Variants in NEGR1 observed in about 807,000 individuals in gnomAD.
NEGR1 encodes the protein IgLON family member 4.
A neutral mutation model predicts 40.9 loss-of-function variants in NEGR1; 10 were observed. The observed-to-expected ratio is 0.24, with a 90% CI of 0.15 to 0.42. NEGR1 has a LOEUF of 0.42. Ranked by LOEUF, NEGR1 falls within the 10% of genes least tolerant of loss-of-function variation. The pLI, the probability that NEGR1 is intolerant of heterozygous loss-of-function variation, is 1.00. For synonymous variants in NEGR1, 185 were observed against 166.8 expected (o/e 1.11, Z -0.84); for missense variants, 352 against 438.9 (o/e 0.80, Z 1.77).
At chr1:72,040,611 A>AAAAAAAAAAAAAAAG (rs1646944541) in intron 1 of NEGR1, among the ~76,000 whole-genome samples, 1 of 102,272 alleles carries the variant, frequency 9.8e-6, no homozygotes, top group African/African-American at 3.6e-5. Flanking sequence ...AAAAAAAAAA[A>AAAAAAAAAAAAAAAG]TCAGAGAATA....
chr1:71,945,324 A>G (rs1343927968), intron 1 of NEGR1, among the ~76,000 whole-genome samples: 3 of 152,162 alleles, frequency 2.0e-5, no homozygotes, highest in Non-Finnish European at 2.9e-5. Context: ...TAAGTATGCA[A>G]TTCAGGTTAA....
chr1:72,235,288 G>C (rs1156831478), intron 1 of NEGR1, among the ~76,000 whole-genome samples: 1 of 152,126 alleles, frequency 6.6e-6, no homozygotes, highest in Non-Finnish European at 1.5e-5. Flanking sequence ...CAGAGCGCTT[G>C]TGAAGAGTGG....
intron 1 of NEGR1, among the ~76,000 whole-genome samples, chr1:71,955,236 C>G (rs530938123): frequency 5.9e-5 from 9 of 151,994 alleles, no homozygotes; most frequent in Non-Finnish European, 1.5e-5. Flanking sequence ...TTTTGGTAGG[C>G]CATAGATTCT....
intron 2 of NEGR1, among the ~76,000 whole-genome samples, chr1:71,894,926 T>A (rs936406832): frequency 3.3e-5 from 5 of 152,052 alleles, no homozygotes; most frequent in Non-Finnish European, 5.9e-5. Flanking sequence ...CTCCAAATTT[T>A]TTTTTTTTTA....
chr1:71,705,871 G>A (rs1653877808), intron 3 of NEGR1, among the ~76,000 whole-genome samples: 1 of 151,816 alleles, frequency 6.6e-6, no homozygotes, highest in Admixed American at 6.6e-5. Context: ...AAGGAAGGAA[G>A]GAAGGAAGCA....
At chr1:71,563,707 G>A (rs1288255404) in intron 6 of NEGR1, among the ~76,000 whole-genome samples, 1 of 151,932 alleles carries the variant, frequency 6.6e-6, no homozygotes. Context: ...CAAAAGAAAA[G>A]AGTTTCACTG....
chr1:72,050,615 G>A (rs1417860558), intron 1 of NEGR1, among the ~76,000 whole-genome samples: 1 of 151,492 alleles, frequency 6.6e-6, no homozygotes, highest in Non-Finnish European at 1.5e-5. Flanking sequence ...GACAGCAGTT[G>A]TTTATTATTG....
rs1436128135 is a variant in NEGR1, at chr1:71,406,262, A to G, written c.*1184T>C. ...TATTTTGGAAGTTTTAAAATATATA[A>G]CATGCATTCCAGACTATCAACTGAG... On this transcript the variant is annotated 3_prime_UTR_variant, in exon 7 of 7. Transcript: ENST00000357731. 1.3e-5 allele frequency: 2 copies of G among 151,986 alleles called. No individual in the cohort carries two copies. Among genetic ancestry groups the G allele is most frequent in the Non-Finnish European group, 2.9e-5 (2 of 67,888 alleles). The allele number at this position is 151,986 out of a possible 1,614,324, so 9.4% of individuals were successfully genotyped here.
At chr1:72,043,762 A>C (rs1014480544) in intron 1 of NEGR1, among the ~76,000 whole-genome samples, 1 of 151,856 alleles carries the variant, frequency 6.6e-6, no homozygotes, top group Non-Finnish European at 1.5e-5. Context: ...TCACATATTG[A>C]ATTCGCGGGG....
At chr1:71,996,495 C>T (rs570301745) in intron 1 of NEGR1, among the ~76,000 whole-genome samples, 13 of 152,146 alleles carry the variant, frequency 8.5e-5, no homozygotes, top group African/African-American at 2.9e-4. Flanking sequence ...ACTTTCTATG[C>T]CATTGAAAAG....
At chr1:71,749,652 G>A (rs1199405971) in intron 3 of NEGR1, among the ~76,000 whole-genome samples, 1 of 152,226 alleles carries the variant, frequency 6.6e-6, no homozygotes, top group Non-Finnish European at 1.5e-5. Context: ...CTCGTCTTAG[G>A]TAAGAACAAC....
intron 3 of NEGR1, among the ~76,000 whole-genome samples, chr1:71,702,035 A>G (rs1653715055): frequency 6.6e-6 from 1 of 152,066 alleles, no homozygotes; most frequent in Non-Finnish European, 1.5e-5. Flanking sequence ...TACTGAAATT[A>G]TTCTAACAGG....
intron 3 of NEGR1, among the ~76,000 whole-genome samples, chr1:71,727,639 T>C (rs1654716279): frequency 6.6e-6 from 1 of 151,840 alleles, no homozygotes; most frequent in Non-Finnish European, 1.5e-5. Flanking sequence ...TAACAGAAAA[T>C]AAATTCATAA....
chr1:71,842,901 T>A (rs1659290400), intron 2 of NEGR1, among the ~76,000 whole-genome samples: 1 of 152,158 alleles, frequency 6.6e-6, no homozygotes, highest in Admixed American at 6.6e-5. Context: ...TGTCACCAAG[T>A]TAAAAGTGAA....
chr1:72,116,586 A>C (rs1002704775), intron 1 of NEGR1, among the ~76,000 whole-genome samples: 1 of 151,702 alleles, frequency 6.6e-6, no homozygotes, highest in African/African-American at 2.4e-5. Context: ...TTTAATCCCT[A>C]CTTCATGAAA....
At chr1:72,070,806 A>T (rs939602951) in intron 1 of NEGR1, among the ~76,000 whole-genome samples, 7 of 152,082 alleles carry the variant, frequency 4.6e-5, no homozygotes, top group Non-Finnish European at 7.4e-5. Flanking sequence ...AGTCTAGTTG[A>T]TTTTATGGCA....
In NEGR1 at chr1:71,776,189, C is replaced by T. The variant is rs752419911; in HGVS notation, c.518G>A (p.Arg173Gln). Residue 173 changes from arginine (R) to glutamine (Q), a missense_variant, in exon 3 of 7, where the codon CGA (arginine) becomes CAA (glutamine). Transcript: ENST00000357731. ...TGKPEPSISW[R>Q]HISPSAKPFE... ...TACTTTACCTGATGGGGAGATGTGT[C>T]GCCAAGAAATGGAAGGCTCTGGTTT... is the stretch of plus-strand genomic sequence containing the variant. The T allele has an allele frequency of 1.6e-5, 25 of 1,609,136 alleles. No individual in the cohort carries two copies. Among genetic ancestry groups the T allele is most frequent in the African/African-American group, 5.4e-5 (4 of 74,694 alleles).
chr1:71,988,048 A>G (rs1053672040), intron 1 of NEGR1, among the ~76,000 whole-genome samples: 1 of 152,226 alleles, frequency 6.6e-6, no homozygotes, highest in African/African-American at 2.4e-5. Context: ...ATAGATGAAG[A>G]GCACGTACAG....
chr1:71,710,429 G>A (rs1269347406), intron 3 of NEGR1, among the ~76,000 whole-genome samples: 1 of 152,186 alleles, frequency 6.6e-6, no homozygotes, highest in African/African-American at 2.4e-5. Flanking sequence ...GTACTCCTAT[G>A]TTTGTGGCAG....
Sources: gnomAD v4.1 joint callset for allele counts (sites outside exome capture counted in the v4.1 genomes callset) on GRCh38, gnomAD v4.1.1 for gene constraint, MANE v1.5 for transcripts, NCBI Gene and HGNC (gene_info 2026-07-23, HGNC 2026-07-21) for gene names.